Variants in ERCC6 observed in about 807,000 individuals in gnomAD.
The protein encoded by ERCC6 is ERCC excision repair 6, chromatin remodeling factor.
A neutral mutation model predicts 158.7 loss-of-function variants in ERCC6; 116 were observed. That is an observed-to-expected ratio of 0.73 (90% CI 0.63 to 0.85). ERCC6 has a LOEUF of 0.85. Ranked by LOEUF, ERCC6 falls within the 40% of genes least tolerant of loss-of-function variation. The pLI, the probability that ERCC6 is intolerant of heterozygous loss-of-function variation, is 0.00. For synonymous variants in ERCC6, 678 were observed against 659.3 expected, an observed-to-expected ratio of 1.03 and a Z score of -0.43; for missense variants, 1,698 against 1,799.4, an observed-to-expected ratio of 0.94 and a Z score of 1.02.
intron 6 of ERCC6, 85 bp from the exon 7 acceptor site, chr10:49,500,781 T>C (rs1479685085): frequency 3.2e-5 from 46 of 1,458,176 alleles, no homozygotes; most frequent in Non-Finnish European, 6.7e-6. Context: ...CATGAATTAA[T>C]CATTTGGCTA....
intron 8 of ERCC6, among the ~76,000 whole-genome samples, chr10:49,485,211 A>G (rs901271582): frequency 1.3e-5 from 2 of 152,200 alleles, no homozygotes; most frequent in African/African-American, 4.8e-5. Context: ...GGCCATCACT[A>G]ACCCCATTTT....
intron 11 of ERCC6, 50 bp downstream of exon 11, chr10:49,478,304 A>G: frequency 8.4e-7 from 1 of 1,189,240 alleles, no homozygotes. Context: ...GTGAAGGGAA[A>G]GACACACTTG....
chr10:49,532,792 G>T lies in ERCC6; in HGVS notation c.173C>A (p.Ala58Asp). 1.2e-6 allele frequency: 2 copies of T among 1,614,204 alleles called. No homozygotes were observed. Among genetic ancestry groups the T allele is most frequent in the Non-Finnish European group, 1.7e-6 (2 of 1,180,040 alleles). ...RSVGDGLSTS[A>D]VGCASAAPRR... is the part of the protein sequence containing the mutation. ...CGGAGCTGCTGATGCGCACCCCACA[G>T]CAGAGGTGGACAGCCCGTCACCCAC... Residue 58 changes from alanine (A) to aspartate (D), a missense_variant, in exon 2 of 21, where the codon GCT becomes GAT. Ala to Asp is a moderately radical substitution (Grantham distance 126). Transcript: ENST00000355832.
At chr10:49,459,384 G>A (rs1209444723) in intron 20 of ERCC6, 150 bp from the exon 21 acceptor site, 1 of 779,160 alleles carries the variant, frequency 1.3e-6, no homozygotes, top group Non-Finnish European at 2.1e-6. Context: ...CTAATGAAAA[G>A]GGAAAGGAGG....
At chr10:49,517,188 A>T (rs1222380342) in intron 5 of ERCC6, 7 of 1,506,362 alleles carry the variant, frequency 4.6e-6, no homozygotes, top group Non-Finnish European at 6.2e-6. Context: ...CAAAAATGGA[A>T]CATGAAAAAT....
At chr10:49,437,208 T>A in the ERCC6 span, among the ~76,000 whole-genome samples, 4 of 152,206 alleles carry the variant, frequency 2.6e-5, no homozygotes, top group African/African-American at 9.6e-5. Context: ...CCGCCATGAT[T>A]ATGAAGCCTC....
chr10:49,490,170 G>C (rs1473947763), intron 8 of ERCC6, among the ~76,000 whole-genome samples: 1 of 151,936 alleles, frequency 6.6e-6, no homozygotes, highest in Non-Finnish European at 1.5e-5. Flanking sequence ...ATATTTTTTT[G>C]CATGGCTGCT....
downstream of ERCC6, among the ~76,000 whole-genome samples, chr10:49,449,627 G>A (rs144237255): frequency 0.016 from 2,018 of 128,766 alleles, 48 homozygotes; most frequent in Admixed American, 0.083. Context: ...GGAACGCAGT[G>A]GCACAATCTC....
rs189405028 is a variant in ERCC6 at position 49,469,075 on chromosome 10, A to C, written c.3778+1107T>G. Among the ~76,000 whole-genome samples the C allele has an allele frequency of 2.6e-5, 4 of 152,360 alleles. No individual in the cohort carries two copies. The East Asian group carries it at 5.8e-4, about 22-fold the overall frequency. ...AAAACCTTCCTTACAATAGAATGTT[A>C]ATCACCATTTGGCAACCATTGTAGT... On this transcript the variant is annotated intron_variant, in intron 18 of 20. Coordinates refer to ENST00000355832, the MANE Select transcript of ERCC6 (RefSeq NM_000124.4).
At chr10:49,508,026 C>T (rs1038796691) in intron 5 of ERCC6, among the ~76,000 whole-genome samples, 1 of 151,882 alleles carries the variant, frequency 6.6e-6, no homozygotes, top group African/African-American at 2.4e-5. Context: ...ATTCAGCAGT[C>T]GAGGAGTTTA....
intron 7 of ERCC6, among the ~76,000 whole-genome samples, chr10:49,499,859 A>T (rs929056762): frequency 1.3e-5 from 2 of 152,228 alleles, no homozygotes; most frequent in East Asian, 1.9e-4. Flanking sequence ...AAAGATTAAC[A>T]TCTAAACATA....
chr10:49,475,078 C>T (rs1396364747), intron 12 of ERCC6, among the ~76,000 whole-genome samples: 1 of 152,158 alleles, frequency 6.6e-6, no homozygotes, highest in Non-Finnish European at 1.5e-5. Flanking sequence ...CAGAGTCATC[C>T]GTGACTCATT....
intron 5 of ERCC6, among the ~76,000 whole-genome samples, chr10:49,519,967 G>A (rs1837106431): frequency 6.6e-6 from 1 of 152,088 alleles, no homozygotes; most frequent in Admixed American, 6.5e-5. Context: ...ATGTGATTCT[G>A]ACACACACAC....
chr10:49,536,262 A>T (rs977666210), intron 1 of ERCC6, among the ~76,000 whole-genome samples: 1 of 152,182 alleles, frequency 6.6e-6, no homozygotes, highest in Non-Finnish European at 1.5e-5. Context: ...TCTGGCAGGG[A>T]GACAGCTACA....
At chr10:49,477,854 C>G (rs1008386500) in intron 11 of ERCC6, among the ~76,000 whole-genome samples, 1 of 152,162 alleles carries the variant, frequency 6.6e-6, no homozygotes, top group Non-Finnish European at 1.5e-5. Flanking sequence ...TCTGACCAAC[C>G]CTTACAAATG....
intron 4 of ERCC6, among the ~76,000 whole-genome samples, chr10:49,527,459 G>A (rs1405704526): frequency 6.6e-6 from 1 of 152,220 alleles, no homozygotes; most frequent in Non-Finnish European, 1.5e-5. Flanking sequence ...CAGATCACCT[G>A]ACGTCAGGAG....
chr10:49,463,162 C>A (rs180966134), intron 18 of ERCC6, among the ~76,000 whole-genome samples: 10 of 152,064 alleles, frequency 6.6e-5, no homozygotes, highest in African/African-American at 2.4e-4. Context: ...TGGGGATGGG[C>A]CCCAAGTCTA....
In ERCC6 at chr10:49,516,077, T is replaced by C. The variant is rs1564436839; in HGVS notation, c.1397+7956A>G. On this transcript the variant is annotated intron_variant, in intron 5 of 20. Transcript: ENST00000355832. The stretch of plus-strand genomic sequence containing the variant: ...AAAAGTTATTGAATACAAAATGGTA[T>C]TGTCCAGGGTGTGCCTCTGTAAGTG... 15 of 1,614,172 alleles carry C rather than the reference T, an allele frequency of 9.3e-6. No individual in the cohort carries two copies. Among genetic ancestry groups the C allele is most frequent in the Non-Finnish European group, 1.2e-5 (14 of 1,180,016 alleles).
chr10:49,447,453 C>T, the ERCC6 span, among the ~76,000 whole-genome samples: 1 of 151,946 alleles, frequency 6.6e-6, no homozygotes, highest in Non-Finnish European at 1.5e-5. Flanking sequence ...TTTGGGAGGC[C>T]GAGGCGGGCA....
Sources: gnomAD v4.1 joint callset for allele counts (sites outside exome capture counted in the v4.1 genomes callset) on GRCh38, gnomAD v4.1.1 for gene constraint, MANE v1.5 for transcripts, NCBI Gene and HGNC (gene_info 2026-07-23, HGNC 2026-07-21) for gene names.